The following NME1 variants were observed in gnomAD, a reference collection of about 807,000 sequenced individuals.
NME1 encodes the protein NME/NM23 nucleoside diphosphate kinase 1.
NME1 carries 9 observed loss-of-function variants against 17.2 expected under a neutral mutation model. The ratio of observed to expected loss-of-function variants is 0.52; its 90% CI spans 0.32 to 0.92. The LOEUF (loss-of-function observed/expected upper bound fraction) is 0.92, where lower values mean the gene tolerates loss of function less well. NME1 is among the 40% of genes least tolerant of loss of function. The pLI is 0.04. For missense variants in NME1, 169 were observed against 201.7 expected, an observed-to-expected ratio of 0.84 and a Z score of 0.98; for synonymous variants, 72 against 70.8, an observed-to-expected ratio of 1.02 and a Z score of -0.09.
intron 4 of NME1, 142 bp from the exon 5 acceptor site, chr17:51,161,586 G>T: frequency 1.3e-6 from 1 of 779,418 alleles, no homozygotes; most frequent in Non-Finnish European, 2.3e-6. Context: ...TAAGTGAATG[G>T]CCATTGTAGG....
chr17:51,154,964 C>T (rs1409486820), intron 1 of NME1, among the ~76,000 whole-genome samples: 2 of 152,110 alleles, frequency 1.3e-5, no homozygotes, highest in Admixed American at 6.6e-5. Context: ...GGTGGCCAGG[C>T]TCATGGGGCT....
intron 1 of NME1, 119 bp from the exon 2 acceptor site, chr17:51,155,532 G>A (rs2049773050): frequency 6.8e-7 from 1 of 1,472,824 alleles, no homozygotes; most frequent in Non-Finnish European, 9.2e-7. Context: ...TTACCAGAGG[G>A]AGACCTGGAG....
At chr17:51,160,902 G>A (rs557981631) in intron 3 of NME1, among the ~76,000 whole-genome samples, 3 of 152,222 alleles carry the variant, frequency 2.0e-5, no homozygotes, top group East Asian at 1.9e-4. Flanking sequence ...GAGCCACTGC[G>A]CCCTGCCCAC....
chr17:51,154,157 C>CTTTTTTTTTTTT, intron 1 of NME1: 1 of 531,716 alleles, frequency 1.9e-6, no homozygotes, highest in Non-Finnish European at 3.4e-6. Flanking sequence ...TTGTCTCTCT[C>CTTTTTTTTTTTT]TCTTTTTTTT....
chr17:51,156,303 C>T (rs938168694), intron 2 of NME1: 1 of 187,366 alleles, frequency 5.3e-6, no homozygotes, highest in Non-Finnish European at 1.1e-5. Flanking sequence ...GCAGATGTAC[C>T]TGCAAGCTAC....
chr17:51,154,257 C>T, intron 1 of NME1: 2 of 895,414 alleles, frequency 2.2e-6, no homozygotes, highest in Admixed American at 1.7e-5. Context: ...AGTCTCTACA[C>T]AGGACTAAGT....
chr17:51,159,878 C>G, intron 2 of NME1, 102 bp from the exon 3 acceptor site: 1 of 1,379,794 alleles, frequency 7.2e-7, no homozygotes, highest in East Asian at 2.3e-5. Flanking sequence ...GTGAGCCCAA[C>G]CGCTCATGTT....
chr17:51,157,926 T>C (rs2049810103), intron 2 of NME1, among the ~76,000 whole-genome samples: 1 of 152,142 alleles, frequency 6.6e-6, no homozygotes, highest in Admixed American at 6.6e-5. Context: ...AAGGGAGAAC[T>C]TGAGGTTCCC....
chr17:51,160,137 G>A, intron 3 of NME1, 56 bp downstream of exon 3: 1 of 1,592,968 alleles, frequency 6.3e-7, no homozygotes. Context: ...TCTGTGCTAG[G>A]CTCTCTTCTA....
At position 51,161,986 on chromosome 17, in the gene NME1, G is replaced by A. The variant is rs1034717997; in HGVS notation, c.*141G>A. 1.5e-6 allele frequency: 1 copy of A among 685,964 alleles called. No individual in the cohort carries two copies. Among genetic ancestry groups the A allele is most frequent in the African/African-American group, 1.8e-5 (1 of 57,042 alleles). The allele number at this position is 685,964 out of a possible 1,614,324, so 42.5% of individuals were successfully genotyped here. ...GCTCTTGGAGCTGTGAGTTCTCCCT[G>A]TACAGTGTTACCATCCCCGACCATC... On this transcript the variant is annotated 3_prime_UTR_variant, in exon 5 of 5. Transcript: ENST00000393196.
chr17:51,160,801 A>G (rs1025528534), intron 3 of NME1, among the ~76,000 whole-genome samples: 5 of 152,052 alleles, frequency 3.3e-5, no homozygotes, highest in South Asian at 2.1e-4. Flanking sequence ...TAGTAGAGAC[A>G]GGGTTTCACC....
chr17:51,162,100 A>T lies in NME1; in HGVS notation c.*255A>T. The T allele has an allele frequency of 2.2e-6, 1 of 445,296 alleles. No homozygotes were observed. Among genetic ancestry groups the T allele is most frequent in the Non-Finnish European group, 4.2e-6 (1 of 240,718 alleles). The allele number at this position is 445,296 out of a possible 1,614,324, so 27.6% of individuals were successfully genotyped here. On this transcript the variant is annotated 3_prime_UTR_variant, in exon 5 of 5. Coordinates refer to ENST00000393196, the MANE Select transcript of NME1 (RefSeq NM_000269.3). ...CTTTTTTTTCCTTCTTTTCATGTAC[A>T]CTGAATAACCTGACCTAATAGAGAG...
intron 1 of NME1, among the ~76,000 whole-genome samples, chr17:51,155,241 CAAA>C (rs35964095): frequency 4.0e-5 from 4 of 100,454 alleles, no homozygotes; most frequent in African/African-American, 3.3e-5. Context: ...GACTCCATAC[CAAA>C]AAAAAAAAAA....
Position 51,160,045 on chromosome 17 carries a change from G to C in NME1, c.192G>C (p.Leu64=). The C allele has an allele frequency of 6.2e-7, 1 of 1,614,164 alleles. No individual in the cohort carries two copies. The highest frequency in any genetic ancestry group is 8.5e-7 in the Non-Finnish European group (1 of 1,180,022). ...AGGACCGTCCATTCTTTGCCGGCCTGGTGAAATACATGCACTCAGGGCCGG... is the reference window on the plus strand; with the variant it reads ...AGGACCGTCCATTCTTTGCCGGCCTCGTGAAATACATGCACTCAGGGCCGG... ...DLKDRPFFAG[L]VKYMHSGPVV... The change falls in exon 3 of 5, where the codon CTG becomes CTC. Residue 64 remains leucine (L), a synonymous_variant. Coordinates refer to ENST00000393196, the MANE Select transcript of NME1 (RefSeq NM_000269.3).
At position 51,160,025 on chromosome 17, in the gene NME1, C is replaced by G; in HGVS notation, c.172C>G (p.Arg58Gly). ...GGAACACTACGTTGACCTGAAGGAC[C>G]GTCCATTCTTTGCCGGCCTGGTGAA... The part of the protein sequence containing the change: ...LKEHYVDLKD[R>G]PFFAGLVKYM... The change falls in exon 3 of 5, where the codon CGT becomes GGT. Residue 58 changes from arginine to glycine, a missense_variant. Arg to Gly is a moderately radical substitution (Grantham distance 125). Coordinates refer to ENST00000393196, the MANE Select transcript of NME1 (RefSeq NM_000269.3). The G allele has an allele frequency of 6.2e-7, 1 of 1,614,058 alleles. No individual in the cohort carries two copies. The highest frequency in any genetic ancestry group is 1.3e-5 in the African/African-American group (1 of 75,002).
chr17:51,158,069 C>T (rs1202631136), intron 2 of NME1, among the ~76,000 whole-genome samples: 1 of 152,192 alleles, frequency 6.6e-6, no homozygotes, highest in Non-Finnish European at 1.5e-5. Flanking sequence ...CATCTGAGGT[C>T]AGGAGATGGA....
chr17:51,155,920 T>G, intron 2 of NME1, 140 bp downstream of exon 2: 5 of 1,380,750 alleles, frequency 3.6e-6, no homozygotes, highest in Non-Finnish European at 5.1e-6. Flanking sequence ...TGGAAACTCC[T>G]CAGTGCCCTA....
At chr17:51,160,125 C>T in intron 3 of NME1, 44 bp downstream of exon 3, 1 of 1,603,472 alleles carries the variant, frequency 6.2e-7, no homozygotes, top group Non-Finnish European at 8.5e-7. Context: ...CATTGCTTGT[C>T]ATCTGTGCTA....
At position 51,161,982 on chromosome 17, in the gene NME1, C is replaced by T; in HGVS notation, c.*137C>T. Reference sequence around the variant, plus strand: ...GGAAGCTCTTGGAGCTGTGAGTTCTCCCTGTACAGTGTTACCATCCCCGAC... The same window carrying T: ...GGAAGCTCTTGGAGCTGTGAGTTCTTCCTGTACAGTGTTACCATCCCCGAC... On this transcript the variant is annotated 3_prime_UTR_variant, in exon 5 of 5. Transcript: ENST00000393196. 1 of 697,270 alleles carries T rather than the reference C, an allele frequency of 1.4e-6. No individual in the cohort carries two copies. 43.2% of individuals were successfully genotyped at this position (697,270 alleles called of 1,614,324 possible).
Sources: gnomAD v4.1 joint callset for allele counts (sites outside exome capture counted in the v4.1 genomes callset) on GRCh38, gnomAD v4.1.1 for gene constraint, MANE v1.5 for transcripts, NCBI Gene and HGNC (gene_info 2026-07-23, HGNC 2026-07-21) for gene names.